Variants in RBM22 observed in about 807,000 individuals in gnomAD.
The protein encoded by RBM22 is pre-mRNA-splicing factor RBM22.
In RBM22, 1 loss-of-function variant was observed where a neutral mutation model predicts 50.1. The ratio of observed to expected loss-of-function variants is 0.02; its 90% CI spans 0.01 to 0.09. The LOEUF is 0.09. Among genes scored for constraint, RBM22 ranks in the 10% least tolerant of loss-of-function variants. The probability of loss-of-function intolerance (pLI) is 1.00; values close to 1 mark genes in which losing one functional copy is unlikely to be tolerated. For synonymous variants in RBM22, 152 were observed against 179.0 expected, an observed-to-expected ratio of 0.85 and a Z score of 1.20; for missense variants, 264 against 529.3, an observed-to-expected ratio of 0.50 and a Z score of 4.92.
At chr5:150,693,356 A>G (rs1210466245) in intron 8 of RBM22, 49 bp from the exon 9 acceptor site, 8 of 1,334,260 alleles carry the variant, frequency 6.0e-6, no homozygotes, top group Non-Finnish European at 8.5e-6. Flanking sequence ...ACCTTATCTC[A>G]CACCTCTGCT....
At chr5:150,695,397 C>T in intron 7 of RBM22, 109 bp downstream of exon 7, 1 of 977,798 alleles carries the variant, frequency 1.0e-6, no homozygotes, top group South Asian at 1.6e-5. Flanking sequence ...AATAGAGAGA[C>T]TACAGAAAAA....
At chr5:150,693,983 G>T (rs987383884) in intron 8 of RBM22, 93 bp downstream of exon 8, 46 of 1,444,924 alleles carry the variant, frequency 3.2e-5, no homozygotes, top group Non-Finnish European at 4.2e-5. Flanking sequence ...GTTCATTTAA[G>T]CCTGTTAACC....
At chr5:150,699,416 A>C in intron 2 of RBM22, 145 bp from the exon 3 acceptor site, 1 of 1,122,646 alleles carries the variant, frequency 8.9e-7, no homozygotes, top group Non-Finnish European at 1.2e-6. Context: ...ACAAAACCCA[A>C]AACCCAACCT....
rs901413117 is a variant in RBM22 at position 150,696,325 on chromosome 5, T to C, written c.545+208A>G. ...GGGTCAGCATCTATATTGTATGGCA[T>C]AGCAATTTAGTTTCCAAGGCTCAAT... is the stretch of plus-strand genomic sequence containing the variant. On this transcript the variant is annotated intron_variant, in intron 6 of 10. Transcript: ENST00000199814. This position sits in a 1 kb window ranked among gnomAD's most constrained non-coding sequence, Gnocchi z 4.3. Among the ~76,000 whole-genome samples the C allele has an allele frequency of 6.6e-6, 1 of 152,222 alleles. No homozygotes were observed. Among genetic ancestry groups the C allele is most frequent in the Non-Finnish European group, 1.5e-5 (1 of 68,036 alleles).
intron 3 of RBM22, 33 bp downstream of exon 3, chr5:150,699,209 C>G: frequency 6.4e-7 from 1 of 1,574,058 alleles, no homozygotes; most frequent in South Asian, 1.2e-5. Flanking sequence ...AAAAATGAAA[C>G]AGAAATCATT....
intron 1 of RBM22, 62 bp from the exon 2 acceptor site, chr5:150,700,559 A>G (rs761029024): frequency 2.5e-6 from 4 of 1,611,616 alleles, no homozygotes; most frequent in Non-Finnish European, 3.4e-6. Context: ...CCTCAGTGAC[A>G]CTTGGGGTGG....
intron 9 of RBM22, 87 bp from the exon 10 acceptor site, chr5:150,693,113 C>T: frequency 6.5e-7 from 1 of 1,549,896 alleles, no homozygotes; most frequent in Non-Finnish European, 8.8e-7. Flanking sequence ...AGAGGTCCTA[C>T]TGGGAGAGTA....
chr5:150,694,339 A>C, intron 7 of RBM22, 99 bp from the exon 8 acceptor site: 1 of 1,459,268 alleles, frequency 6.9e-7, no homozygotes, highest in Non-Finnish European at 9.1e-7. Context: ...ACCACTAGGC[A>C]GGTGGGCCCC....
In RBM22 at chr5:150,696,987, T is replaced by C. The variant is rs1759284314; in HGVS notation, c.272-96A>G. ...AATACATCATCTTTCCCTTCTCCTCTTTCCTATTTAGTACCAGAGACTTTA... is the reference window on the plus strand; with the variant it reads ...AATACATCATCTTTCCCTTCTCCTCCTTCCTATTTAGTACCAGAGACTTTA... On this transcript the variant is annotated intron_variant, in intron 4 of 10. Transcript: ENST00000199814. This position sits in a 1 kb window ranked among gnomAD's most constrained non-coding sequence, Gnocchi z 4.3. The C allele has an allele frequency of 5.9e-6, 7 of 1,193,614 alleles. 1 individual carries two copies. The highest frequency in any genetic ancestry group is 7.3e-6 in the Non-Finnish European group (6 of 823,730). 73.9% of individuals were successfully genotyped at this position (1,193,614 alleles called of 1,614,324 possible).
In RBM22 at chr5:150,695,619, G is replaced by C; in HGVS notation, c.633C>G (p.Asp211Glu). 1 of 1,612,790 alleles carries C rather than the reference G, an allele frequency of 6.2e-7. No individual in the cohort carries two copies. Among genetic ancestry groups the C allele is most frequent in the Non-Finnish European group, 8.5e-7 (1 of 1,179,198 alleles). ...TTGTTGAAGCCCGCTTTAGAAGCTT[G>C]TCAGCTACAGGATCATTGATTCCGT... The part of the protein sequence containing the change: ...RYYGINDPVA[D>E]KLLKRASTMP... Residue 211 changes from aspartate (D) to glutamate (E), a missense_variant, in exon 7 of 11, where the codon GAC (aspartate) becomes GAG (glutamate). Physicochemically the swap from Asp to Glu is conservative, Grantham distance 45. Coordinates refer to ENST00000199814, the MANE Select transcript of RBM22 (RefSeq NM_018047.3).
chr5:150,699,825 C>T (rs1561679737), intron 2 of RBM22, among the ~76,000 whole-genome samples: 1 of 152,212 alleles, frequency 6.6e-6, no homozygotes, highest in Non-Finnish European at 1.5e-5. Flanking sequence ...CTACTGTAGA[C>T]TTGTCCTGTG....
In RBM22 at chr5:150,696,691, A is replaced by C. The variant is rs1410229784; in HGVS notation, c.387T>G (p.Asp129Glu). The change falls in exon 6 of 11, where the codon GAT (aspartate) becomes GAG (glutamate). Residue 129 changes from aspartate (D) to glutamate (E), a missense_variant. By Grantham distance (45) the Asp-to-Glu change is conservative (BLOSUM62 2). Transcript: ENST00000199814. This position sits in a 1 kb window ranked among gnomAD's most constrained non-coding sequence, Gnocchi z 4.3. The stretch of plus-strand genomic sequence containing the variant: ...CCAGCATGCCAACTGGCCGTGTTCC[A>C]TCAGAGTTAGAAATCTAAGTGGGGA... The part of the protein sequence containing the change: ...QNMEREISNS[D>E]GTRPVGMLGK... The C allele has an allele frequency of 6.2e-7, 1 of 1,614,106 alleles. No individual in the cohort carries two copies. The highest frequency in any genetic ancestry group is 8.5e-7 in the Non-Finnish European group (1 of 1,180,044).
chr5:150,695,305 T>A (rs1363043044), intron 7 of RBM22: 4 of 575,684 alleles, frequency 6.9e-6, no homozygotes, highest in Non-Finnish European at 1.2e-5. Flanking sequence ...CATGAGGCAC[T>A]GTGCCCAGCC....
At chr5:150,692,383 T>C (rs1759219656) in intron 10 of RBM22, among the ~76,000 whole-genome samples, 1 of 152,216 alleles carries the variant, frequency 6.6e-6, no homozygotes, top group Non-Finnish European at 1.5e-5. Context: ...CACCTATTTC[T>C]GGCCACTCAA....
chr5:150,696,410 G>T lies in RBM22; in HGVS notation c.545+123C>A. On this transcript the variant is annotated intron_variant, in intron 6 of 10. Coordinates refer to ENST00000199814, the MANE Select transcript of RBM22 (RefSeq NM_018047.3). This position sits in a 1 kb window ranked among gnomAD's most constrained non-coding sequence, Gnocchi z 4.3. ...TAAATTTCATAGTTCTAAGACATGA[G>T]GTATACCACATTAGTTGTATGACCT... is the stretch of plus-strand genomic sequence containing the variant. 1 of 1,065,854 alleles carries T rather than the reference G, an allele frequency of 9.4e-7. No individual in the cohort carries two copies. Among genetic ancestry groups the T allele is most frequent in the South Asian group, 1.6e-5 (1 of 62,626 alleles). The allele number at this position is 1,065,854 out of a possible 1,614,324, so 66.0% of individuals were successfully genotyped here. A position where few individuals can be genotyped will look rare whatever the true frequency, so the allele number is the denominator to read the frequency against.
chr5:150,693,320 C>A lies in RBM22; in HGVS notation c.912-13G>T, dbSNP rs1322464954. 6.2e-7 allele frequency: 1 copy of A among 1,604,474 alleles called. No individual in the cohort carries two copies. Among genetic ancestry groups the A allele is most frequent in the Non-Finnish European group, 8.5e-7 (1 of 1,173,144 alleles). ...GGCTGCCTGGGATCTGGGAAACACA[C>A]ATGCATACAGTCGGCACTCTGGCCC... On this transcript the variant is annotated splice_polypyrimidine_tract_variant and intron_variant, in intron 8 of 10. Transcript: ENST00000199814.
Position 150,696,439 on chromosome 5 carries a change from G to C in RBM22, c.545+94C>G. 1 of 1,358,808 alleles carries C rather than the reference G, an allele frequency of 7.4e-7. No homozygotes were observed. The highest frequency in any genetic ancestry group is 1.0e-6 in the Non-Finnish European group (1 of 988,146). The allele number at this position is 1,358,808 out of a possible 1,614,324, so 84.2% of individuals were successfully genotyped here. On this transcript the variant is annotated intron_variant, in intron 6 of 10. Transcript: ENST00000199814. This position sits in a 1 kb window ranked among gnomAD's most constrained non-coding sequence, Gnocchi z 4.3. Reference sequence around the variant, plus strand: ...TACCACATTAGTTGTATGACCTTTAGATTTTAAAGCAGAAACAGTTTAAGT... The same window carrying C: ...TACCACATTAGTTGTATGACCTTTACATTTTAAAGCAGAAACAGTTTAAGT...
At position 150,692,894 on chromosome 5, in the gene RBM22, C is replaced by A; in HGVS notation, c.1132+1G>T. On this transcript the variant is annotated splice_donor_variant, in intron 10 of 10. Transcript: ENST00000199814. LOFTEE classifies it high-confidence loss of function. The stretch of plus-strand genomic sequence containing the variant: ...GGGCTAAGAAGGAAGATGGAAGTTA[C>A]CTGGGGGTGGGGGTGGAGCAATGCC... 6.3e-7 allele frequency: 1 copy of A among 1,592,466 alleles called. No homozygotes were observed.
At position 150,692,920 on chromosome 5, in the gene RBM22, A is replaced by G; in HGVS notation, c.1107T>C (p.Pro369=). ...CTGGGGGTGGGGGTGGAGCAATGCCAGGGGGCGGTGGCAGAGCAATGTTCA... is the reference window on the plus strand; with the variant it reads ...CTGGGGGTGGGGGTGGAGCAATGCCGGGGGGCGGTGGCAGAGCAATGTTCA... The part of the protein sequence containing the change: ...AVVNIALPPP[P]GIAPPPPPGF... The change falls in exon 10 of 11, where the codon CCT becomes CCC. Residue 369 remains proline, a synonymous_variant. Transcript: ENST00000199814. The G allele has an allele frequency of 1.2e-6, 2 of 1,609,998 alleles. No individual in the cohort carries two copies. The highest frequency in any genetic ancestry group is 2.7e-5 in the African/African-American group (2 of 74,686).
Sources: allele counts gnomAD v4.1 joint callset (sites outside exome capture counted in the v4.1 genomes callset), GRCh38; gene constraint gnomAD v4.1.1; non-coding constraint Gnocchi (gnomAD v3.1); transcripts MANE v1.5; gene names NCBI Gene and HGNC (gene_info 2026-07-23, HGNC 2026-07-21).